Variants in RBFOX1 observed in about 807,000 individuals in gnomAD.
RBFOX1 encodes the protein RNA binding protein fox-1 homolog 1.
A neutral mutation model predicts 57.7 loss-of-function variants in RBFOX1; 8 were observed. The observed-to-expected ratio is 0.14, with a 90% CI of 0.08 to 0.25. RBFOX1 has a LOEUF of 0.25. Among genes scored for constraint, RBFOX1 ranks in the 10% least tolerant of loss-of-function variants. RBFOX1 has a pLI of 1.00. For missense variants in RBFOX1, 611 were observed against 548.5 expected (o/e 1.11, Z -1.14); for synonymous variants, 326 against 222.4 (o/e 1.47, Z -4.15).
intron 2 of RBFOX1, among the ~76,000 whole-genome samples, chr16:6,636,954 A>T (rs1333275654): frequency 7.8e-6 from 1 of 128,418 alleles, no homozygotes; most frequent in Non-Finnish European, 1.6e-5. Flanking sequence ...ATATACATAA[A>T]ATATGTATAT....
chr16:7,327,739 C>G (rs946856932), intron 4 of RBFOX1, among the ~76,000 whole-genome samples: 1 of 152,062 alleles, frequency 6.6e-6, no homozygotes. Flanking sequence ...CTCAACATGC[C>G]TAGATCTTCC....
At chr16:5,933,518 C>T (rs953105823) in intron 4 of RBFOX1, among the ~76,000 whole-genome samples, 12 of 152,278 alleles carry the variant, frequency 7.9e-5, no homozygotes, top group East Asian at 1.9e-4. Flanking sequence ...ATGTGAAAAA[C>T]GGATGCTCCT....
At chr16:7,382,342 G>T (rs1481133320) in intron 4 of RBFOX1, among the ~76,000 whole-genome samples, 1 of 151,996 alleles carries the variant, frequency 6.6e-6, no homozygotes, top group African/African-American at 2.4e-5. Flanking sequence ...GTTTATTTTG[G>T]ACTTTTAAAA....
chr16:6,683,585 A>C (rs144291462), intron 3 of RBFOX1, among the ~76,000 whole-genome samples: 1 of 152,064 alleles, frequency 6.6e-6, no homozygotes, highest in African/African-American at 2.4e-5. Context: ...ACGTGTATAC[A>C]TGTGTGTGTG....
intron 2 of RBFOX1, among the ~76,000 whole-genome samples, chr16:6,465,106 C>G (rs1283772915): frequency 1.3e-5 from 2 of 152,152 alleles, no homozygotes; most frequent in Non-Finnish European, 2.9e-5. Context: ...AAACATTGTT[C>G]TTATGGAACT....
intron 2 of RBFOX1, among the ~76,000 whole-genome samples, chr16:6,572,138 C>T (rs1298787341): frequency 6.6e-6 from 1 of 152,126 alleles, no homozygotes; most frequent in East Asian, 1.9e-4. Context: ...ATCTCATTGT[C>T]ATCTCATTCT....
intron 4 of RBFOX1, among the ~76,000 whole-genome samples, chr16:7,508,465 C>G (rs1449115744): frequency 6.6e-6 from 1 of 152,102 alleles, no homozygotes; most frequent in Admixed American, 6.5e-5. Flanking sequence ...GCATACTGAG[C>G]TGGAGTCTTG....
At chr16:6,036,593 C>T (rs2095368473) in intron 1 of RBFOX1, among the ~76,000 whole-genome samples, 1 of 131,808 alleles carries the variant, frequency 7.6e-6, no homozygotes. Context: ...GGCCCTGGGT[C>T]AGACAGTGTC....
chr16:5,433,099 A>G (rs1597046066), intron 1 of RBFOX1, among the ~76,000 whole-genome samples: 1 of 152,022 alleles, frequency 6.6e-6, no homozygotes, highest in Admixed American at 6.6e-5. Flanking sequence ...GAAGACAACA[A>G]CCCTGAGCTT....
intron 3 of RBFOX1, among the ~76,000 whole-genome samples, chr16:5,654,979 A>G (rs2049377834): frequency 6.6e-6 from 1 of 151,986 alleles, no homozygotes; most frequent in African/African-American, 2.4e-5. Context: ...CCTGCTTTGG[A>G]TTATACGTTG....
intron 4 of RBFOX1, among the ~76,000 whole-genome samples, chr16:7,417,901 G>T (rs2098500019): frequency 6.6e-6 from 1 of 152,104 alleles, no homozygotes; most frequent in African/African-American, 2.4e-5. Context: ...TTTTCCTGCA[G>T]ATGTATTGGG....
At chr16:6,475,791 G>C (rs2095263033) in intron 2 of RBFOX1, among the ~76,000 whole-genome samples, 1 of 152,038 alleles carries the variant, frequency 6.6e-6, no homozygotes. Context: ...TTTTCAAACT[G>C]GTAAAGAAGT....
intron 2 of RBFOX1, among the ~76,000 whole-genome samples, chr16:6,366,873 C>G (rs2089707543): frequency 6.6e-6 from 1 of 152,152 alleles, no homozygotes; most frequent in African/African-American, 2.4e-5. Context: ...CAGAGTGGCT[C>G]TCTCTATTGG....
intron 4 of RBFOX1, among the ~76,000 whole-genome samples, chr16:5,992,369 T>C (rs1250359245): frequency 6.6e-6 from 1 of 152,228 alleles, no homozygotes; most frequent in Non-Finnish European, 1.5e-5. Flanking sequence ...ACTCAAATTT[T>C]ATCTATTCAT....
intron 4 of RBFOX1, among the ~76,000 whole-genome samples, chr16:7,361,797 T>C (rs1448850805): frequency 6.6e-6 from 1 of 152,152 alleles, no homozygotes; most frequent in East Asian, 1.9e-4. Flanking sequence ...TTTGTGTGTA[T>C]GCCAGTGTGT....
At chr16:5,835,328 C>T (rs2056424280) in intron 3 of RBFOX1, among the ~76,000 whole-genome samples, 1 of 152,158 alleles carries the variant, frequency 6.6e-6, no homozygotes, top group Non-Finnish European at 1.5e-5. Context: ...GGCACGTAGA[C>T]AACTAAGCAC....
At chr16:5,820,553 T>C (rs1444087899) in intron 3 of RBFOX1, among the ~76,000 whole-genome samples, 1 of 152,114 alleles carries the variant, frequency 6.6e-6, no homozygotes, top group East Asian at 1.9e-4. Flanking sequence ...GCCTAACTAA[T>C]TTCTTCCCCC....
At chr16:6,927,269 C>G in intron 3 of RBFOX1, among the ~76,000 whole-genome samples, 1 of 151,500 alleles carries the variant, frequency 6.6e-6, no homozygotes, top group Non-Finnish European at 1.5e-5. Flanking sequence ...AGAAATTTGC[C>G]AGGTGTGGTG....
At chr16:6,774,620 G>T (rs538303048) in intron 3 of RBFOX1, among the ~76,000 whole-genome samples, 1 of 152,182 alleles carries the variant, frequency 6.6e-6, no homozygotes, top group African/African-American at 2.4e-5. Flanking sequence ...GTCATCTATA[G>T]GAATTAATTG....
Sources: gnomAD v4.1 joint callset for allele counts (sites outside exome capture counted in the v4.1 genomes callset) on GRCh38, gnomAD v4.1.1 for gene constraint, MANE v1.5 for transcripts, NCBI Gene and HGNC (gene_info 2026-07-23, HGNC 2026-07-21) for gene names.